EPPIN: variants seen among roughly 807,000 people sequenced by gnomAD.
EPPIN encodes WAP four-disulfide core domain protein 7.
Under a neutral mutation model 18.8 loss-of-function variants are expected in EPPIN, and 14 were observed. The ratio of observed to expected loss-of-function variants is 0.75; its 90% confidence interval spans 0.49 to 1.17. The LOEUF (loss-of-function observed/expected upper bound fraction) is 1.17, where lower values mean the gene tolerates loss of function less well. EPPIN is among the 50% of genes most tolerant of loss of function. The pLI is 0.00. For synonymous variants in EPPIN, 57 were observed against 54.8 expected (o/e 1.04, Z -0.18); for missense variants, 143 against 154.2 (o/e 0.93, Z 0.39).
intron 2 of EPPIN, chr20:45,545,431 G>A (rs1979782302): frequency 2.8e-6 from 2 of 721,672 alleles, no homozygotes; most frequent in Non-Finnish European, 4.3e-6. Flanking sequence ...GGGAAACTGA[G>A]TCTCAGACAT....
chr20:45,545,198 AGTCAGGAGAGGC>A (rs754171906), intron 2 of EPPIN: 135 of 176,114 alleles, frequency 7.7e-4, no homozygotes, highest in Non-Finnish European at 1.3e-3. Context: ...GTTCTGGAGC[AGTCAGGAGAGGC>A]GTTTTGGTGC....
intron 1 of EPPIN, 51 bp downstream of exon 1, chr20:45,547,216 C>T (rs1298184162): frequency 6.2e-7 from 1 of 1,611,852 alleles, no homozygotes; most frequent in Non-Finnish European, 8.5e-7. Context: ...CTGTTCCTTC[C>T]TCCCAGCAAA....
At chr20:45,546,553 C>T (rs1380644211) in intron 1 of EPPIN, among the ~76,000 whole-genome samples, 3 of 152,130 alleles carry the variant, frequency 2.0e-5, no homozygotes, top group Non-Finnish European at 4.4e-5. Flanking sequence ...TTTATAATTG[C>T]TCTATGAAGG....
In EPPIN at chr20:45,542,070, A is replaced by G. The variant is rs1243999189; in HGVS notation, c.*74T>C. 2 of 1,584,148 alleles carry G rather than the reference A, an allele frequency of 1.3e-6. No homozygotes were observed. The highest frequency in any genetic ancestry group is 1.7e-6 in the Non-Finnish European group (2 of 1,161,642). On this transcript the variant is annotated 3_prime_UTR_variant, in exon 4 of 4. Transcript: ENST00000354280. ...GTGAAACTGGAAGCCAGTCTGGAGC[A>G]TCCGTCAGGTACAGGAACAGTACTC...
chr20:45,544,335 A>G (rs1169674899), intron 2 of EPPIN: 1 of 152,232 alleles, frequency 6.6e-6, no homozygotes, highest in Non-Finnish European at 1.5e-5. Flanking sequence ...TGTGCCAGGC[A>G]TAACTCTAAT....
At chr20:45,543,058 C>A in intron 2 of EPPIN, 191 bp from the exon 3 acceptor site, 1 of 903,768 alleles carries the variant, frequency 1.1e-6, no homozygotes, top group Non-Finnish European at 1.6e-6. Flanking sequence ...GCATCTGCAT[C>A]CCTGGAGATA....
chr20:45,542,877 G>A lies in EPPIN; in HGVS notation c.224-10C>T, dbSNP rs764596402. ...GGCATTTCGCATACATCTGCAGAGAGACTCCAGAGTTGAAAACTCAGTGTG... is the reference window on the plus strand; with the variant it reads ...GGCATTTCGCATACATCTGCAGAGAAACTCCAGAGTTGAAAACTCAGTGTG... On this transcript the variant is annotated splice_polypyrimidine_tract_variant and intron_variant, in intron 2 of 3. Transcript: ENST00000354280. 22 of 1,605,250 alleles carry A rather than the reference G, an allele frequency of 1.4e-5. No individual in the cohort carries two copies. In the South Asian group the frequency reaches 2.1e-4, roughly 15 times the overall value.
In EPPIN at chr20:45,544,768, T is replaced by A. The variant is rs1225157370; in HGVS notation, c.223+871A>T. On this transcript the variant is annotated intron_variant, in intron 2 of 3. Transcript: ENST00000354280. ...CATATGATGCCCCGCCTCGGTGGAT[T>A]GCCATAGCCCTTGGGATCCAGGCAA... is the stretch of plus-strand genomic sequence containing the variant. 2.0e-5 allele frequency: 3 copies of A among 152,310 alleles called. No individual in the cohort carries two copies. In the East Asian group the frequency reaches 5.8e-4, roughly 29 times the overall value. The allele number at this position is 152,310 out of a possible 1,614,324, so 9.4% of individuals were successfully genotyped here. A position where few individuals can be genotyped will look rare whatever the true frequency, so the allele number is the denominator to read the frequency against.
chr20:45,542,294 C>G, intron 3 of EPPIN, 140 bp from the exon 4 acceptor site: 1 of 1,071,894 alleles, frequency 9.3e-7, no homozygotes, highest in Non-Finnish European at 1.3e-6. Context: ...CCATCTCCTT[C>G]AAGGAAAAAC....
chr20:45,545,457 G>T, intron 2 of EPPIN, 182 bp downstream of exon 2: 1 of 966,176 alleles, frequency 1.0e-6, no homozygotes, highest in Non-Finnish European at 1.5e-6. Flanking sequence ...GATAGGATAA[G>T]GTCATTCCTA....
intron 2 of EPPIN, 105 bp from the exon 3 acceptor site, chr20:45,542,972 C>T (rs1451016249): frequency 1.4e-6 from 2 of 1,471,334 alleles, no homozygotes; most frequent in Non-Finnish European, 1.8e-6. Context: ...GGAGTAGGCT[C>T]CTTTTCTCTT....
rs1236469217 is a variant in EPPIN at position 45,545,763 on chromosome 20, A to G, written c.99T>C (p.Cys33=). The G allele has an allele frequency of 1.9e-6, 3 of 1,613,810 alleles. No individual in the cohort carries two copies. Among genetic ancestry groups the G allele is most frequent in the Non-Finnish European group, 2.5e-6 (3 of 1,179,910 alleles). The change falls in exon 2 of 4, where the codon TGT becomes TGC. Residue 33 remains cysteine, a synonymous_variant. Transcript: ENST00000354280. ...GLTDWLFPRR[C]PKIREECEFQ... is the part of the protein sequence containing the mutation. The stretch of plus-strand genomic sequence containing the variant: ...ATTCACATTCTTCTCTGATTTTGGG[A>G]CATCTCCCTAGGGAAAGAGCGGTTT...
At chr20:45,544,719 C>A (rs2064274) in intron 2 of EPPIN, 7,093 of 152,122 alleles carry the variant, frequency 0.047, 376 homozygotes, top group Admixed American at 0.11. Context: ...ATTTTAAACT[C>A]GATAGATGTA....
chr20:45,545,617 A>T (rs1979792549), intron 2 of EPPIN, 22 bp downstream of exon 2: 1 of 1,613,570 alleles, frequency 6.2e-7, no homozygotes, highest in Admixed American at 1.7e-5. Flanking sequence ...GGGGTTGGTT[A>T]TTCTGCAGCT....
Position 45,542,037 on chromosome 20 carries a change from T to G in EPPIN, c.*107A>C. ...TCTGGGAAGGGCTAAGATCTTGGAATGCTGAGAGTGAAACTGGAAGCCAGT... is the reference window on the plus strand; with the variant it reads ...TCTGGGAAGGGCTAAGATCTTGGAAGGCTGAGAGTGAAACTGGAAGCCAGT... On this transcript the variant is annotated 3_prime_UTR_variant, in exon 4 of 4. Transcript: ENST00000354280. 1 of 1,433,726 alleles carries G rather than the reference T, an allele frequency of 7.0e-7. No individual in the cohort carries two copies. Among genetic ancestry groups the G allele is most frequent in the Non-Finnish European group, 9.6e-7 (1 of 1,041,020 alleles). The allele number at this position is 1,433,726 out of a possible 1,614,324, so 88.8% of individuals were successfully genotyped here. A position where few individuals can be genotyped will look rare whatever the true frequency, so the allele number is the denominator to read the frequency against.
Position 45,542,793 on chromosome 20 carries a change from T to C in EPPIN, c.298A>G (p.Asn100Asp). 2 of 1,614,052 alleles carry C rather than the reference T, an allele frequency of 1.2e-6. No individual in the cohort carries two copies. The highest frequency in any genetic ancestry group is 8.5e-7 in the Non-Finnish European group (1 of 1,179,914). ...CCATAGACAAACATGGAGCAAGTAT[T>C]ATCTTTCTTGTCATACCACCAATGA... Reference protein sequence around the residue: ...FLHWWYDKKDNTCSMFVYGGC... With the variant: ...FLHWWYDKKDDTCSMFVYGGC... The change falls in exon 3 of 4, where the codon AAT becomes GAT. Residue 100 changes from asparagine to aspartate, a missense_variant. Coordinates refer to ENST00000354280, the MANE Select transcript of EPPIN (RefSeq NM_020398.4).
In EPPIN at chr20:45,542,820, G is replaced by T. The variant is rs769719273; in HGVS notation, c.271C>A (p.Leu91Ile). 1 of 1,613,888 alleles carries T rather than the reference G, an allele frequency of 6.2e-7. No homozygotes were observed. Among genetic ancestry groups the T allele is most frequent in the Admixed American group, 1.7e-5 (1 of 59,984 alleles). The change falls in exon 3 of 4, where the codon CTT (leucine) becomes ATT (isoleucine). Residue 91 changes from leucine (L) to isoleucine (I), a missense_variant. Physicochemically the swap from Leu to Ile is conservative, Grantham distance 5. Transcript: ENST00000354280. ...TCTTTCTTGTCATACCACCAATGAA[G>T]AAAATAAGCCAGGCAGGGGCCAGTT... Reference protein sequence around the residue: ...KETGPCLAYFLHWWYDKKDNT... With the variant: ...KETGPCLAYFIHWWYDKKDNT...
chr20:45,543,768 G>A (rs1979704906), intron 2 of EPPIN: 1 of 152,536 alleles, frequency 6.6e-6, no homozygotes, highest in Non-Finnish European at 1.5e-5. Flanking sequence ...TGACCCACAA[G>A]GCCCTTCATT....
intron 3 of EPPIN, 51 bp from the exon 4 acceptor site, chr20:45,542,205 C>T: frequency 6.2e-7 from 1 of 1,609,426 alleles, no homozygotes; most frequent in Non-Finnish European, 8.5e-7. Flanking sequence ...TTCAGCTCAT[C>T]TTTGGAGCTT....
Sources: gnomAD v4.1 joint callset for allele counts (sites outside exome capture counted in the v4.1 genomes callset) on GRCh38, gnomAD v4.1.1 for gene constraint, MANE v1.5 for transcripts, NCBI Gene and HGNC (gene_info 2026-07-23, HGNC 2026-07-21) for gene names.